Variants in ATP10A observed in about 807,000 individuals in gnomAD.
ATP10A encodes the protein ATPase phospholipid transporting 10A (putative).
A neutral mutation model predicts 147.8 loss-of-function variants in ATP10A; 111 were observed. That is an observed-to-expected ratio of 0.75 (90% CI 0.64 to 0.88). The LOEUF is 0.88. Among genes scored for constraint, ATP10A ranks in the 40% least tolerant of loss-of-function variants. The pLI, the probability that ATP10A is intolerant of heterozygous loss-of-function variation, is 0.00. For missense variants in ATP10A, 1,927 were observed against 1,959.0 expected (o/e 0.98, Z 0.31); for synonymous variants, 875 against 841.6 (o/e 1.04, Z -0.69).
In ATP10A at chr15:25,681,061, C is replaced by T. The variant is rs140438730; in HGVS notation, c.3506G>A (p.Arg1169Gln). Residue 1169 changes from arginine (R) to glutamine (Q), a missense_variant, in exon 18 of 21, where the codon CGA (arginine) becomes CAA (glutamine). Physicochemically the swap from Arg to Gln is conservative, Grantham distance 43 (BLOSUM62 1). Transcript: ENST00000555815. ...SGQNMEEYRP[R>Q]TFWFNMADAA... ...GTCGGCCATGTTAAACCAGAACGTT[C>T]GTGGCCGGTATTCCTGGGACACAAA... 5 of 1,613,592 alleles carry T rather than the reference C, an allele frequency of 3.1e-6. No individual in the cohort carries two copies. The highest frequency in any genetic ancestry group is 2.7e-5 in the African/African-American group (2 of 74,888).
At chr15:25,699,671 C>G (rs1013990992) in intron 13 of ATP10A, among the ~76,000 whole-genome samples, 1 of 152,026 alleles carries the variant, frequency 6.6e-6, no homozygotes, top group African/African-American at 2.4e-5. Flanking sequence ...GATTTTGACA[C>G]CAGCCTGGGC....
chr15:25,701,785 C>A, intron 13 of ATP10A, 131 bp downstream of exon 13: 1 of 921,532 alleles, frequency 1.1e-6, no homozygotes. Context: ...ACATGCACAT[C>A]CTAAACCCGA....
At chr15:25,698,099 A>T (rs559196154) in intron 13 of ATP10A, among the ~76,000 whole-genome samples, 1 of 152,208 alleles carries the variant, frequency 6.6e-6, no homozygotes, top group Non-Finnish European at 1.5e-5. Context: ...ATCCCAGAAC[A>T]AAAAAAGGAC....
chr15:25,800,780 G>GGT lies in ATP10A; in HGVS notation c.450-19559_450-19558dup, dbSNP rs1182150490. Among the ~76,000 whole-genome samples, 4 of 152,114 alleles carry GGT rather than the reference G, an allele frequency of 2.6e-5. No homozygotes were observed. The East Asian group carries it at 7.7e-4, about 29-fold the overall frequency. ...CCCACCTACCCTAATTTCAAAAGCT[G>GGT]GTGCTCACAGTAACTATTTTAACCA... On this transcript the variant is annotated intron_variant, in intron 1 of 20. Transcript: ENST00000555815.
At chr15:25,854,391 A>G (rs1359759726) in intron 1 of ATP10A, among the ~76,000 whole-genome samples, 1 of 152,248 alleles carries the variant, frequency 6.6e-6, no homozygotes, top group Non-Finnish European at 1.5e-5. Flanking sequence ...AAAGAAAAAC[A>G]GCTGTTCTAA....
chr15:25,726,266 A>G (rs1238923532), intron 4 of ATP10A, among the ~76,000 whole-genome samples, 184 bp from the exon 5 acceptor site: 2 of 152,214 alleles, frequency 1.3e-5, no homozygotes, highest in Non-Finnish European at 2.9e-5. Context: ...TAAATAAAAT[A>G]AAATGAAATT....
chr15:25,680,072 G>A (rs371891038), intron 20 of ATP10A, 49 bp downstream of exon 20: 156 of 1,597,654 alleles, frequency 9.8e-5, no homozygotes, highest in South Asian at 1.3e-4. Context: ...TGCCAATGTC[G>A]TCTGGGCTCA....
chr15:25,754,492 C>A (rs957922812), intron 2 of ATP10A, among the ~76,000 whole-genome samples: 1 of 152,114 alleles, frequency 6.6e-6, no homozygotes, highest in Non-Finnish European at 1.5e-5. Flanking sequence ...GGCGTGAACT[C>A]CAGCTTTTGG....
At chr15:25,852,384 A>G (rs1192404147) in intron 1 of ATP10A, among the ~76,000 whole-genome samples, 1 of 152,178 alleles carries the variant, frequency 6.6e-6, no homozygotes, top group East Asian at 1.9e-4. Context: ...CATTCTGCCT[A>G]GCATCTAACT....
chr15:25,734,823 G>A (rs2140481969), intron 3 of ATP10A, among the ~76,000 whole-genome samples: 1 of 152,278 alleles, frequency 6.6e-6, no homozygotes, highest in South Asian at 2.1e-4. Context: ...TTGCTGTGCA[G>A]AGTTCACTTC....
At chr15:25,775,790 C>A (rs1302385214) in intron 2 of ATP10A, among the ~76,000 whole-genome samples, 1 of 152,240 alleles carries the variant, frequency 6.6e-6, no homozygotes, top group African/African-American at 2.4e-5. Context: ...CAGAAGTCAC[C>A]TCTGGGACGG....
chr15:25,687,872 G>A, intron 15 of ATP10A, 44 bp from the exon 16 acceptor site: 2 of 1,613,090 alleles, frequency 1.2e-6, no homozygotes, highest in Non-Finnish European at 8.5e-7. Flanking sequence ...TGCCGACCTG[G>A]CGTCAGATTT....
At chr15:25,821,203 C>T (rs1393562826) in intron 1 of ATP10A, among the ~76,000 whole-genome samples, 1 of 152,104 alleles carries the variant, frequency 6.6e-6, no homozygotes. Context: ...AGTTCAAGAC[C>T]AGCCTGGGCT....
chr15:25,721,402 T>C (rs1049080845), intron 7 of ATP10A, among the ~76,000 whole-genome samples: 1 of 152,216 alleles, frequency 6.6e-6, no homozygotes, highest in African/African-American at 2.4e-5. Context: ...CTTAGGCGGA[T>C]GCCTGGCACC....
At chr15:25,735,469 T>C (rs1596786907) in intron 3 of ATP10A, among the ~76,000 whole-genome samples, 1 of 152,286 alleles carries the variant, frequency 6.6e-6, no homozygotes, top group South Asian at 2.1e-4. Flanking sequence ...CTGATCCACC[T>C]GTCTTTCTGT....
At position 25,679,476 on chromosome 15, in the gene ATP10A, C is replaced by G; in HGVS notation, c.4365G>C (p.Gln1455His). The change falls in exon 21 of 21, where the codon CAG becomes CAC. Residue 1455 changes from glutamine (Q) to histidine (H), a missense_variant. Coordinates refer to ENST00000555815, the MANE Select transcript of ATP10A (RefSeq NM_024490.4). ...SLVSRLGSVL[Q>H]FSRTEQLADG... Reference sequence around the variant, plus strand: ...CTGCAAGCTGCTCCGTCCGGGAGAACTGTAAGACACTCCCCAGCCTGCTGA... The same window carrying G: ...CTGCAAGCTGCTCCGTCCGGGAGAAGTGTAAGACACTCCCCAGCCTGCTGA... The G allele has an allele frequency of 6.2e-7, 1 of 1,614,038 alleles. No homozygotes were observed. Among genetic ancestry groups the G allele is most frequent in the Non-Finnish European group, 8.5e-7 (1 of 1,179,980 alleles).
chr15:25,826,881 T>A (rs1892138913), intron 1 of ATP10A, among the ~76,000 whole-genome samples: 1 of 152,202 alleles, frequency 6.6e-6, no homozygotes, highest in South Asian at 2.1e-4. Context: ...TCTGCACATG[T>A]AAGAAGCTAA....
chr15:25,775,016 T>C lies in ATP10A; in HGVS notation c.654+6003A>G, dbSNP rs145874455. On this transcript the variant is annotated intron_variant, in intron 2 of 20. Coordinates refer to ENST00000555815, the MANE Select transcript of ATP10A (RefSeq NM_024490.4). ...AGAGAAAAACATGGAAGCCTCTTTG[T>C]AAAGGCTTAAAACTGACCGATCTAA... Among the ~76,000 whole-genome samples the C allele has an allele frequency of 3.5e-3, 531 of 152,334 alleles. 4 individuals carry two copies. Among genetic ancestry groups the C allele is most frequent in the African/African-American group, 0.012 (498 of 41,576 alleles).
intron 10 of ATP10A, 26 bp downstream of exon 10, chr15:25,713,648 G>A (rs1484207243): frequency 1.2e-6 from 2 of 1,607,072 alleles, no homozygotes; most frequent in Non-Finnish European, 1.7e-6. Context: ...CCGAGCTGGG[G>A]TGCAGCTGGG....
Sources: gnomAD v4.1 joint callset for allele counts (sites outside exome capture counted in the v4.1 genomes callset) on GRCh38, gnomAD v4.1.1 for gene constraint, MANE v1.5 for transcripts, NCBI Gene and HGNC (gene_info 2026-07-23, HGNC 2026-07-21) for gene names.